Variants in KLF8 observed in about 807,000 individuals in gnomAD.
The protein encoded by KLF8 is KLF transcription factor 8, also known as Krueppel-like factor 8.
In KLF8, 10 loss-of-function variants were observed where a neutral mutation model predicts 18.2. That is an observed-to-expected ratio of 0.55 (90% CI 0.34 to 0.93). The LOEUF (loss-of-function observed/expected upper bound fraction) is 0.93, where lower values mean the gene tolerates loss of function less well. Among genes scored for constraint, KLF8 ranks in the 40% least tolerant of loss-of-function variants. KLF8 has a pLI of 0.02. For missense variants in KLF8, 264 were observed against 277.9 expected, an observed-to-expected ratio of 0.95 and a Z score of 0.36; for synonymous variants, 109 against 97.3, an observed-to-expected ratio of 1.12 and a Z score of -0.71.
the KLF8 span, among the ~76,000 whole-genome samples, chrX:55,993,760 G>T: frequency 2.7e-5 from 3 of 110,781 alleles, no homozygotes; most frequent in Admixed American, 9.6e-5. Context: ...TAGTTTTTTG[G>T]TTTTGTTTTT....
chrX:56,153,721 C>T, the KLF8 span, among the ~76,000 whole-genome samples: 3 of 111,460 alleles, frequency 2.7e-5, no homozygotes, highest in Middle Eastern at 4.2e-3. Flanking sequence ...TGATAGGCAA[C>T]TTCAGCGAAG....
the KLF8 span, among the ~76,000 whole-genome samples, chrX:56,127,978 G>A: frequency 1.8e-5 from 2 of 111,736 alleles, no homozygotes; most frequent in African/African-American, 3.3e-5. Context: ...AGAATAGGGA[G>A]CTTGATGGCA....
At chrX:56,001,274 T>A in the KLF8 span, among the ~76,000 whole-genome samples, 1 of 112,475 alleles carries the variant, frequency 8.9e-6, no homozygotes, top group Non-Finnish European at 1.9e-5. Flanking sequence ...AATCATGTGA[T>A]GAGCTGAGTT....
chrX:56,176,532 A>G, the KLF8 span, among the ~76,000 whole-genome samples: 1 of 111,446 alleles, frequency 9.0e-6, no homozygotes, highest in Non-Finnish European at 1.9e-5. Flanking sequence ...GGCTGCTCTT[A>G]ACATTTTTTC....
chrX:56,257,913 A>C, intron 2 of KLF8, among the ~76,000 whole-genome samples: 1 of 112,364 alleles, frequency 8.9e-6, no homozygotes, highest in Non-Finnish European at 1.9e-5. Context: ...GTTCTGTATT[A>C]AGTTCCTTGA....
At chrX:56,081,010 A>T in the KLF8 span, among the ~76,000 whole-genome samples, 1 of 110,382 alleles carries the variant, frequency 9.1e-6, no homozygotes, top group Admixed American at 9.6e-5. Flanking sequence ...CAGCTCCTTT[A>T]AGCACTTCTC....
At chrX:56,076,103 C>T in the KLF8 span, among the ~76,000 whole-genome samples, 1 of 109,406 alleles carries the variant, frequency 9.1e-6, no homozygotes, top group Non-Finnish European at 1.9e-5. Flanking sequence ...GTGATGATTT[C>T]CAATTTCATC....
chrX:56,001,353 A>C, the KLF8 span, among the ~76,000 whole-genome samples: 233 of 111,794 alleles, frequency 2.1e-3, 1 homozygote, highest in Non-Finnish European at 3.1e-3. Context: ...ATCTGCACCC[A>C]TTCTTTCCTT....
chrX:56,216,563 A>G, the KLF8 span, among the ~76,000 whole-genome samples: 1 of 105,113 alleles, frequency 9.5e-6, no homozygotes, highest in Non-Finnish European at 2.0e-5. Context: ...TATTTTAGCA[A>G]CATCGTCTTG....
chrX:56,119,356 C>T, the KLF8 span, among the ~76,000 whole-genome samples: 4 of 111,043 alleles, frequency 3.6e-5, no homozygotes. Context: ...CCAGGGGAGG[C>T]CAGCTGAAGC....
At chrX:56,007,955 A>G in the KLF8 span, among the ~76,000 whole-genome samples, 1 of 110,486 alleles carries the variant, frequency 9.1e-6, no homozygotes, top group Non-Finnish European at 1.9e-5. Flanking sequence ...AAAGTTGAAG[A>G]AAAAAAATGT....
the KLF8 span, among the ~76,000 whole-genome samples, chrX:56,175,628 G>A: frequency 9.0e-6 from 1 of 111,433 alleles, no homozygotes; most frequent in Non-Finnish European, 1.9e-5. Context: ...TTGGTGCAGA[G>A]CAGAGTTCAA....
chrX:56,233,210 G>T lies in KLF8; in HGVS notation c.-125G>T. ...AAGAACGAGAAGACGAGAACGCGTC[G>T]CCCTGCGCTATGTCAGAATGGGGCG... On this transcript the variant is annotated 5_prime_UTR_variant, in exon 1 of 6. Transcript: ENST00000468660. 1 of 807,997 alleles carries T rather than the reference G, an allele frequency of 1.2e-6. No homozygotes were observed. Among genetic ancestry groups the T allele is most frequent in the Non-Finnish European group, 1.8e-6 (1 of 540,975 alleles). The allele number at this position is 807,997 out of a possible 1,213,427, so 66.6% of individuals were successfully genotyped here. A position where few individuals can be genotyped will look rare whatever the true frequency, so the allele number is the denominator to read the frequency against.
chrX:56,106,037 A>G, the KLF8 span, among the ~76,000 whole-genome samples: 5 of 111,623 alleles, frequency 4.5e-5, no homozygotes, highest in South Asian at 7.6e-4. Context: ...AGAATGTTGA[A>G]TATTGGCCCC....
At chrX:56,205,052 A>C in the KLF8 span, among the ~76,000 whole-genome samples, 1 of 111,073 alleles carries the variant, frequency 9.0e-6, no homozygotes, top group Non-Finnish European at 1.9e-5. Flanking sequence ...GTTGTCTATT[A>C]GTGTGATGGT....
At chrX:56,162,566 G>A in the KLF8 span, among the ~76,000 whole-genome samples, 3 of 112,007 alleles carry the variant, frequency 2.7e-5, no homozygotes, top group Admixed American at 9.5e-5. Context: ...GACCCTCCAA[G>A]CCAAGCATAG....
chrX:55,967,869 G>C, the KLF8 span, among the ~76,000 whole-genome samples: 1 of 111,762 alleles, frequency 8.9e-6, no homozygotes. Context: ...AATTTTAAAA[G>C]TGGGGAGATG....
chrX:56,008,137 T>TATATATATATATACAC, the KLF8 span, among the ~76,000 whole-genome samples: 2 of 106,449 alleles, frequency 1.9e-5, no homozygotes, highest in African/African-American at 7.3e-5. Flanking sequence ...TATATATATA[T>TATATATATATATACAC]ACACACACAA....
the KLF8 span, among the ~76,000 whole-genome samples, chrX:55,984,379 T>G: frequency 1.8e-5 from 2 of 111,656 alleles, no homozygotes; most frequent in Admixed American, 1.9e-4. Context: ...TGTTCCTGCA[T>G]TAGTTTGCTG....
Sources: allele counts gnomAD v4.1 joint callset (sites outside exome capture counted in the v4.1 genomes callset), GRCh38; gene constraint gnomAD v4.1.1; transcripts MANE v1.5; gene names NCBI Gene and HGNC (gene_info 2026-07-23, HGNC 2026-07-21).